RAP1GAP2: variants seen among roughly 807,000 people sequenced by gnomAD.
RAP1GAP2 encodes rap1 GTPase-activating protein 2.
Under a neutral mutation model 95.0 loss-of-function variants are expected in RAP1GAP2, and 27 were observed. The ratio of observed to expected loss-of-function variants is 0.28; its 90% confidence interval spans 0.21 to 0.39. The LOEUF is 0.39. Among genes scored for constraint, RAP1GAP2 ranks in the 10% least tolerant of loss-of-function variants. RAP1GAP2 has a pLI of 1.00. For missense variants in RAP1GAP2, 771 were observed against 970.0 expected (o/e 0.79, Z 2.72); for synonymous variants, 373 against 380.9 (o/e 0.98, Z 0.24).
At chr17:3,007,033 T>C (rs1339985694) in intron 16 of RAP1GAP2, among the ~76,000 whole-genome samples, 3 of 152,058 alleles carry the variant, frequency 2.0e-5, no homozygotes, top group African/African-American at 7.2e-5. Flanking sequence ...ATGAACCTTC[T>C]GCCAGGAGGA....
intron 1 of RAP1GAP2, among the ~76,000 whole-genome samples, chr17:2,786,491 A>G (rs985836554): frequency 2.0e-5 from 3 of 152,262 alleles, no homozygotes; most frequent in African/African-American, 7.2e-5. Context: ...CGGTCCTGGG[A>G]GGCGCCAGGT....
upstream of RAP1GAP2, among the ~76,000 whole-genome samples, chr17:2,791,454 G>A (rs1285828528): frequency 1.3e-5 from 2 of 152,196 alleles, no homozygotes; most frequent in Non-Finnish European, 2.9e-5. Context: ...CCAGTGATGA[G>A]CTGAGTTTTG....
intron 2 of RAP1GAP2, among the ~76,000 whole-genome samples, chr17:2,809,519 C>G (rs1235429421): frequency 6.6e-6 from 1 of 152,158 alleles, no homozygotes; most frequent in Non-Finnish European, 1.5e-5. Flanking sequence ...CCCCTCACCC[C>G]TCTCAGCTCC....
intron 2 of RAP1GAP2, among the ~76,000 whole-genome samples, chr17:2,806,350 C>T (rs1353760502): frequency 1.4e-5 from 2 of 142,858 alleles, no homozygotes; most frequent in East Asian, 4.5e-4. Context: ...AGCCAGGAAG[C>T]TTGATTTCTT....
At chr17:2,918,829 A>G (rs1157229517) in intron 3 of RAP1GAP2, among the ~76,000 whole-genome samples, 4 of 152,202 alleles carry the variant, frequency 2.6e-5, no homozygotes, top group South Asian at 4.1e-4. Flanking sequence ...GGATAATAAG[A>G]GTACCTGCCC....
chr17:2,947,149 A>G (rs1363405515), intron 3 of RAP1GAP2, among the ~76,000 whole-genome samples: 1 of 152,124 alleles, frequency 6.6e-6, no homozygotes, highest in Non-Finnish European at 1.5e-5. Flanking sequence ...CCCCAGTGAC[A>G]TAGTGAAATG....
chr17:2,904,530 C>CTGTGTGTGTGTG lies in RAP1GAP2; in HGVS notation c.81-726_81-715dup, dbSNP rs5818880. 0.048 allele frequency among the ~76,000 whole-genome samples: 6,245 copies of CTGTGTGTGTGTG among 129,054 alleles called. 343 individuals are homozygous for CTGTGTGTGTGTG. Among genetic ancestry groups the CTGTGTGTGTGTG allele is most frequent in the East Asian group, 0.063 (283 of 4,512 alleles). The allele number at this position is 129,054 out of a possible 152,430, so 84.7% of individuals were successfully genotyped here. On this transcript the variant is annotated intron_variant, in intron 2 of 24. Coordinates refer to ENST00000254695, the MANE Select transcript of RAP1GAP2 (RefSeq NM_015085.5). The surrounding 1 kb of genome is among the most constrained non-coding windows in gnomAD (Gnocchi z 4.7). ...CCGAGGACAGCTTTTTGACCAGGGC[C>CTGTGTGTGTGTG]TGTGTGTGTGTGTGTGTGTGTGTGT...
chr17:2,892,910 C>T (rs746027715), intron 2 of RAP1GAP2, among the ~76,000 whole-genome samples: 36 of 152,110 alleles, frequency 2.4e-4, no homozygotes, highest in African/African-American at 8.2e-4. Context: ...CTTTCTTGGT[C>T]GGCTATTTGA....
intron 2 of RAP1GAP2, among the ~76,000 whole-genome samples, chr17:2,814,689 C>A (rs906950137): frequency 2.0e-5 from 3 of 152,114 alleles, no homozygotes; most frequent in African/African-American, 7.2e-5. Flanking sequence ...CCCTCCCTAC[C>A]TTGGGTTGAG....
chr17:2,813,918 G>A (rs368138344), intron 2 of RAP1GAP2, among the ~76,000 whole-genome samples: 7 of 151,982 alleles, frequency 4.6e-5, no homozygotes, highest in East Asian at 1.9e-4. Context: ...AGCCGAGATC[G>A]CACCATTGCA....
In RAP1GAP2 at chr17:3,013,014, G is replaced by A. The variant is rs1242347252; in HGVS notation, c.1494+4869G>A. On this transcript the variant is annotated intron_variant, in intron 17 of 24. Coordinates refer to ENST00000254695, the MANE Select transcript of RAP1GAP2 (RefSeq NM_015085.5). ...CCCTCCACTGACCTCATCGCACAGA[G>A]GTGGAGCAGAGGACCGGGGAGGAGA... 7.9e-5 allele frequency among the ~76,000 whole-genome samples: 12 copies of A among 152,340 alleles called. No homozygotes were observed. The East Asian group carries it at 2.3e-3, about 29-fold the overall frequency.
chr17:2,908,046 G>T (rs1213302878), intron 3 of RAP1GAP2, among the ~76,000 whole-genome samples: 1 of 151,810 alleles, frequency 6.6e-6, no homozygotes, highest in Non-Finnish European at 1.5e-5. Context: ...ACCTCGTGAT[G>T]CGCCCGCCTC....
intron 2 of RAP1GAP2, among the ~76,000 whole-genome samples, chr17:2,847,631 A>G (rs2071645286): frequency 6.6e-6 from 1 of 152,204 alleles, no homozygotes; most frequent in Admixed American, 6.5e-5. Context: ...AATGTTGCTA[A>G]TATTATGGAA....
At chr17:2,889,887 A>ATTTTTTTTTTT (rs1183050009) in intron 2 of RAP1GAP2, among the ~76,000 whole-genome samples, 18 of 38,728 alleles carry the variant, frequency 4.6e-4, no homozygotes, top group East Asian at 2.2e-3. Context: ...ATATATATAT[A>ATTTTTTTTTTT]TATTTTTTTT....
In RAP1GAP2 at chr17:2,840,238, A is replaced by T. The variant is rs565624667; in HGVS notation, c.80+39688A>T. On this transcript the variant is annotated intron_variant, in intron 2 of 24. Transcript: ENST00000254695. The stretch of plus-strand genomic sequence containing the variant: ...GAGTGCGGTGGCGCGATCTCGGTTC[A>T]CTGCGACCCCCACCTCCTGGATTCA... Among the ~76,000 whole-genome samples, 122 of 151,390 alleles carry T rather than the reference A, an allele frequency of 8.1e-4. 1 individual carries two copies. Among genetic ancestry groups the T allele is most frequent in the African/African-American group, 2.6e-3 (109 of 41,216 alleles).
At chr17:2,990,112 T>C (rs1012774820) in intron 11 of RAP1GAP2, among the ~76,000 whole-genome samples, 1 of 152,262 alleles carries the variant, frequency 6.6e-6, no homozygotes, top group African/African-American at 2.4e-5. Context: ...ATTGTGTGGA[T>C]AGCCCACATT....
chr17:2,890,271 C>T (rs1309654732), intron 2 of RAP1GAP2, among the ~76,000 whole-genome samples: 3 of 152,124 alleles, frequency 2.0e-5, no homozygotes, highest in Admixed American at 2.0e-4. Flanking sequence ...GTGAGAATAA[C>T]ATTATTATAG....
chr17:2,781,166 T>G (rs2068636641), intron 1 of RAP1GAP2, among the ~76,000 whole-genome samples: 1 of 152,214 alleles, frequency 6.6e-6, no homozygotes, highest in Admixed American at 6.5e-5. Flanking sequence ...TTCCCACTCC[T>G]TTCCCTAGTT....
At chr17:2,853,108 C>T (rs1377729515) in intron 2 of RAP1GAP2, among the ~76,000 whole-genome samples, 1 of 152,048 alleles carries the variant, frequency 6.6e-6, no homozygotes, top group Non-Finnish European at 1.5e-5. Flanking sequence ...AGCCAGTGTT[C>T]GCGGGGAGCC....
Sources: allele counts gnomAD v4.1 joint callset (sites outside exome capture counted in the v4.1 genomes callset), GRCh38; gene constraint gnomAD v4.1.1; non-coding constraint Gnocchi (gnomAD v3.1); transcripts MANE v1.5; gene names NCBI Gene and HGNC (gene_info 2026-07-23, HGNC 2026-07-21).